TRIM2: variants seen among roughly 807,000 people sequenced by gnomAD.
TRIM2 encodes tripartite motif-containing protein 2.
Under a neutral mutation model 75.2 loss-of-function variants are expected in TRIM2, and 20 were observed. That is an observed-to-expected ratio of 0.27 (90% CI 0.19 to 0.39). TRIM2 has a LOEUF of 0.39. Ranked by LOEUF, TRIM2 falls within the 10% of genes least tolerant of loss-of-function variation. TRIM2 has a pLI of 1.00. For synonymous variants in TRIM2, 373 were observed against 388.3 expected (o/e 0.96, Z 0.46); for missense variants, 660 against 990.8 (o/e 0.67, Z 4.48).
chr4:153,155,861 T>C (rs1729183595), intron 1 of TRIM2, among the ~76,000 whole-genome samples: 1 of 152,156 alleles, frequency 6.6e-6, no homozygotes, highest in South Asian at 2.1e-4. Flanking sequence ...GGTCCATGCC[T>C]AAGAGGACAA....
chr4:153,230,180 A>G (rs1393079088), intron 1 of TRIM2, among the ~76,000 whole-genome samples: 1 of 148,648 alleles, frequency 6.7e-6, no homozygotes, highest in Non-Finnish European at 1.5e-5. Context: ...TGCCATCCAC[A>G]CTATTTTTTT....
intron 1 of TRIM2, among the ~76,000 whole-genome samples, chr4:153,182,512 C>A (rs547543183): frequency 2.0e-5 from 3 of 152,252 alleles, no homozygotes; most frequent in South Asian, 4.2e-4. Context: ...ATAGTACACA[C>A]CCCATGGGAT....
chr4:153,294,179 TG>T, intron 4 of TRIM2, 125 bp from the exon 5 acceptor site: 2 of 939,242 alleles, frequency 2.1e-6, no homozygotes, highest in Non-Finnish European at 3.2e-6. Context: ...TTCTGTTCTC[TG>T]GTTATTGTTT....
intron 6 of TRIM2, among the ~76,000 whole-genome samples, chr4:153,305,109 C>A (rs1428136761): frequency 6.6e-6 from 1 of 152,008 alleles, no homozygotes; most frequent in Non-Finnish European, 1.5e-5. Context: ...ATTTAAACTC[C>A]CAGCTGTTAG....
Position 153,334,902 on chromosome 4 carries a change from A to G in TRIM2, c.2252A>G (p.Asp751Gly). Residue 751 changes from aspartate (D) to glycine (G), a missense_variant, in exon 12 of 12, where the codon GAT becomes GGT. This residue lies in a region of TRIM2 where 40 missense variants were observed against 99.8 expected (regional missense o/e 0.40). Transcript: ENST00000338700. Reference sequence around the variant, plus strand: ...CCCCAAGGCCTGGCCCTAACTTCAGATGGTCATGTTGTGGTTGCAGACTCT... The same window carrying G: ...CCCCAAGGCCTGGCCCTAACTTCAGGTGGTCATGTTGTGGTTGCAGACTCT... ...YGPQGLALTSDGHVVVADSGN... is the reference protein window; with the variant it reads ...YGPQGLALTSGGHVVVADSGN... The G allele has an allele frequency of 6.2e-7, 1 of 1,613,996 alleles. No individual in the cohort carries two copies. Among genetic ancestry groups the G allele is most frequent in the Non-Finnish European group, 8.5e-7 (1 of 1,179,948 alleles).
In TRIM2 at chr4:153,209,885, C is replaced by T. The variant is rs1333040806; in HGVS notation, c.30+5325C>T. ...ACCTTCCAAGGATGGGTTTTTTCCT[C>T]CATATGACTTCTCTCACTCTTTGCA... On this transcript the variant is annotated intron_variant, in intron 1 of 11. Coordinates refer to ENST00000338700, the MANE Select transcript of TRIM2 (RefSeq NM_015271.5). Among the ~76,000 whole-genome samples, 5 of 152,172 alleles carry T rather than the reference C, an allele frequency of 3.3e-5. No homozygotes were observed. The South Asian group carries it at 1.0e-3, about 32-fold the overall frequency.
chr4:153,335,267 C>T lies in TRIM2; in HGVS notation c.*301C>T, dbSNP rs185745713. On this transcript the variant is annotated 3_prime_UTR_variant, in exon 12 of 12. Transcript: ENST00000338700. ...AAACTAATTTTGCAAATCAAACAGA[C>T]ACTTAAAAAACTAGCATATGTAAAG... 9.6e-7 allele frequency: 1 copy of T among 1,037,016 alleles called. No individual in the cohort carries two copies. Among genetic ancestry groups the T allele is most frequent in the Admixed American group, 6.0e-5 (1 of 16,590 alleles). The allele number at this position is 1,037,016 out of a possible 1,614,324, so 64.2% of individuals were successfully genotyped here. A position where few individuals can be genotyped will look rare whatever the true frequency, so the allele number is the denominator to read the frequency against.
intron 1 of TRIM2, among the ~76,000 whole-genome samples, chr4:153,221,937 G>T (rs1210618395): frequency 9.0e-6 from 1 of 111,080 alleles, no homozygotes; most frequent in African/African-American, 3.4e-5. Context: ...GAAAAGGAAC[G>T]AAAGAGTGAG....
intron 8 of TRIM2, among the ~76,000 whole-genome samples, chr4:153,318,936 A>G (rs889884856): frequency 5.3e-5 from 8 of 152,234 alleles, no homozygotes; most frequent in Admixed American, 3.9e-4. Flanking sequence ...TAGTTTCAGC[A>G]ATACCCTCTT....
intron 1 of TRIM2, among the ~76,000 whole-genome samples, chr4:153,249,420 A>C (rs945180607): frequency 5.3e-5 from 8 of 152,254 alleles, no homozygotes; most frequent in Non-Finnish European, 1.5e-5. Context: ...GTCGGTGGTT[A>C]TGACCGCAGG....
intron 2 of TRIM2, among the ~76,000 whole-genome samples, chr4:153,275,548 T>C (rs1402869366): frequency 1.3e-5 from 2 of 152,234 alleles, no homozygotes; most frequent in Non-Finnish European, 2.9e-5. Flanking sequence ...CATGGGGAGC[T>C]GACTCAGCAG....
At chr4:153,296,915 C>A (rs1762886663) in intron 6 of TRIM2, among the ~76,000 whole-genome samples, 1 of 152,128 alleles carries the variant, frequency 6.6e-6, no homozygotes, top group South Asian at 2.1e-4. Context: ...TATTAGCTGG[C>A]ACATGTAGAA....
At chr4:153,250,962 T>G (rs1449380571) in intron 1 of TRIM2, among the ~76,000 whole-genome samples, 3 of 152,250 alleles carry the variant, frequency 2.0e-5, no homozygotes. Context: ...CAATCACTTG[T>G]GCAATGTATA....
intron 3 of TRIM2, among the ~76,000 whole-genome samples, chr4:153,281,329 A>C (rs892962620): frequency 1.3e-5 from 2 of 152,352 alleles, no homozygotes; most frequent in Admixed American, 1.3e-4. Flanking sequence ...ACCAGTGGAA[A>C]TATTTCTAAG....
intron 6 of TRIM2, chr4:153,310,213 A>C (rs1350709157): frequency 6.6e-6 from 1 of 152,242 alleles, no homozygotes; most frequent in Non-Finnish European, 1.5e-5. Flanking sequence ...CTACTAGCTA[A>C]TATGTAACCA....
At chr4:153,206,586 C>T (rs770961928) in intron 1 of TRIM2, among the ~76,000 whole-genome samples, 2 of 152,148 alleles carry the variant, frequency 1.3e-5, no homozygotes, top group South Asian at 2.1e-4. Flanking sequence ...CCTCCAGACC[C>T]GCTCCTTTGG....
chr4:153,254,455 T>C (rs993989396), intron 1 of TRIM2, among the ~76,000 whole-genome samples: 34 of 152,154 alleles, frequency 2.2e-4, no homozygotes, highest in African/African-American at 7.7e-4. Context: ...GTCAATAAGG[T>C]GTGCAGTGGC....
intron 1 of TRIM2, among the ~76,000 whole-genome samples, chr4:153,221,713 AAAG>A (rs1326682479): frequency 4.7e-5 from 7 of 148,106 alleles, no homozygotes; most frequent in East Asian, 2.0e-4. Flanking sequence ...GGAAGGAAGG[AAAG>A]AAGAAAAGAA....
At chr4:153,241,849 C>T (rs1293146629) in intron 1 of TRIM2, among the ~76,000 whole-genome samples, 1 of 152,254 alleles carries the variant, frequency 6.6e-6, no homozygotes, top group South Asian at 2.1e-4. Context: ...GGATAAAGGT[C>T]CCAGGATGCT....
Sources: allele counts gnomAD v4.1 joint callset (sites outside exome capture counted in the v4.1 genomes callset), GRCh38; gene constraint gnomAD v4.1.1; regional missense constraint gnomAD v4.1.1; transcripts MANE v1.5; gene names NCBI Gene and HGNC (gene_info 2026-07-23, HGNC 2026-07-21).